Variants in RC3H1 observed in about 807,000 individuals in gnomAD.
RC3H1 encodes ring finger and CCCH-type domains 1.
In RC3H1, 50 loss-of-function variants were observed where a neutral mutation model predicts 138.2. That is an observed-to-expected ratio of 0.36 (90% confidence interval 0.29 to 0.46). The LOEUF is 0.46. Among genes scored for constraint, RC3H1 ranks in the 20% least tolerant of loss-of-function variants. The probability of loss-of-function intolerance (pLI) is 1.00; values close to 1 mark genes in which losing one functional copy is unlikely to be tolerated. For synonymous variants in RC3H1, 462 were observed against 489.1 expected, an observed-to-expected ratio of 0.94 and a Z score of 0.73; for missense variants, 1,031 against 1,388.1, an observed-to-expected ratio of 0.74 and a Z score of 4.09.
intron 13 of RC3H1, among the ~76,000 whole-genome samples, 198 bp downstream of exon 13, chr1:173,960,879 A>T (rs1222820089): frequency 6.6e-6 from 1 of 152,186 alleles, no homozygotes; most frequent in East Asian, 1.9e-4. Context: ...AACAAAAAAA[A>T]AGATCTTGAC....
rs760720641 is a variant in RC3H1 at position 173,943,454 on chromosome 1, C to T, written c.3123G>A (p.Arg1041=). 6 of 1,613,410 alleles carry T rather than the reference C, an allele frequency of 3.7e-6. No individual in the cohort carries two copies. The highest frequency in any genetic ancestry group is 2.2e-5 in the South Asian group (2 of 90,962). The change falls in exon 18 of 20, where the codon CGG becomes CGA. Residue 1041 remains arginine, a synonymous_variant. Coordinates refer to ENST00000367696, the MANE Select transcript of RC3H1 (RefSeq NM_172071.4). Reference sequence around the variant, plus strand: ...CCATAACACTCACCATACTCAGTTCCCGTGTTCTCTTCCCGATTTCCCTTT... The same window carrying T: ...CCATAACACTCACCATACTCAGTTCTCGTGTTCTCTTCCCGATTTCCCTTT... ...QVEREIGKRT[R]ELSMENQCSL...
intron 1 of RC3H1, among the ~76,000 whole-genome samples, chr1:174,007,095 A>G (rs754404429): frequency 6.6e-6 from 1 of 152,124 alleles, no homozygotes; most frequent in Non-Finnish European, 1.5e-5. Context: ...CCGGTTTAAA[A>G]TTCTATATAA....
intron 1 of RC3H1, among the ~76,000 whole-genome samples, chr1:173,997,661 C>T (rs1442082517): frequency 6.6e-6 from 1 of 151,970 alleles, no homozygotes; most frequent in Admixed American, 6.6e-5. Context: ...AATAAAAATA[C>T]AAAAATCAGC....
intron 17 of RC3H1, among the ~76,000 whole-genome samples, chr1:173,945,596 C>T (rs1659099033): frequency 6.6e-6 from 1 of 152,128 alleles, no homozygotes; most frequent in African/African-American, 2.4e-5. Context: ...CAGGGATATT[C>T]TAAGGGTCAA....
intron 19 of RC3H1, among the ~76,000 whole-genome samples, chr1:173,940,176 AAAAGACTGG>A (rs1160512212): frequency 6.6e-6 from 1 of 152,088 alleles, no homozygotes; most frequent in Non-Finnish European, 1.5e-5. Context: ...ACACACTTTA[AAAAGACTGG>A]AAAGAGCCGG....
intron 15 of RC3H1, 64 bp from the exon 16 acceptor site, chr1:173,946,900 A>T: frequency 8.9e-7 from 1 of 1,119,568 alleles, no homozygotes. Flanking sequence ...AGGTATTCAT[A>T]ATCTGAAAGA....
intron 1 of RC3H1, among the ~76,000 whole-genome samples, chr1:174,019,784 T>C (rs1661924761): frequency 6.6e-6 from 1 of 152,164 alleles, no homozygotes; most frequent in Admixed American, 6.5e-5. Flanking sequence ...AACTTAAAAC[T>C]GTTTTGACAC....
At chr1:173,939,523 T>TCC (rs1658743659) in intron 19 of RC3H1, among the ~76,000 whole-genome samples, 3 of 121,400 alleles carry the variant, frequency 2.5e-5, no homozygotes, top group Admixed American at 1.7e-4. Context: ...AGAATGAGAT[T>TCC]TTATCAAAAA....
Position 173,993,050 on chromosome 1 carries a change from GAATCAA to G in RC3H1, c.-71_-66del. ...CAAATCTAAAGCAAAGATTCCACTGGAATCAAAATCTTTGAAAAAAAGTTTATCTTT... is the reference window on the plus strand; with the variant it reads ...CAAATCTAAAGCAAAGATTCCACTGGAATCTTTGAAAAAAAGTTTATCTTT... On this transcript the variant is annotated 5_prime_UTR_variant, in exon 2 of 20. Coordinates refer to ENST00000367696, the MANE Select transcript of RC3H1 (RefSeq NM_172071.4). The G allele has an allele frequency of 8.3e-7, 1 of 1,198,282 alleles. No individual in the cohort carries two copies. Among genetic ancestry groups the G allele is most frequent in the Non-Finnish European group, 1.2e-6 (1 of 824,760 alleles). The allele number at this position is 1,198,282 out of a possible 1,614,324, so 74.2% of individuals were successfully genotyped here.
At chr1:173,992,343 C>T (rs1458041405) in intron 2 of RC3H1, among the ~76,000 whole-genome samples, 2 of 152,058 alleles carry the variant, frequency 1.3e-5, no homozygotes, top group Admixed American at 6.6e-5. Flanking sequence ...GACAGGATTT[C>T]ACCATGTTGG....
chr1:173,975,759 G>A (rs1397970952), intron 7 of RC3H1, among the ~76,000 whole-genome samples: 2 of 96,200 alleles, frequency 2.1e-5, no homozygotes, highest in Non-Finnish European at 3.5e-5. Flanking sequence ...TTAGCCGGGC[G>A]TAGTGGCGGG....
In RC3H1 at chr1:173,961,782, G is replaced by T. The variant is rs370201691; in HGVS notation, c.2145C>A (p.Ile715=). 3.7e-6 allele frequency: 6 copies of T among 1,613,102 alleles called. No individual in the cohort carries two copies. Among genetic ancestry groups the T allele is most frequent in the Non-Finnish European group, 5.1e-6 (6 of 1,179,944 alleles). ...VPESRERYQQ[I]ESYYPVAPHP... is the part of the protein sequence containing the mutation. ...GAGGAGCCACTGGATAGTAACTCTCGATCTGTTGGTATCTTTCTCTGGATT... is the reference window on the plus strand; with the variant it reads ...GAGGAGCCACTGGATAGTAACTCTCTATCTGTTGGTATCTTTCTCTGGATT... Residue 715 remains isoleucine (I), a synonymous_variant, in exon 12 of 20, where the codon ATC becomes ATA. Coordinates refer to ENST00000367696, the MANE Select transcript of RC3H1 (RefSeq NM_172071.4).
At chr1:174,019,936 G>T (rs1441404345) in intron 1 of RC3H1, among the ~76,000 whole-genome samples, 3 of 152,072 alleles carry the variant, frequency 2.0e-5, no homozygotes, top group Non-Finnish European at 4.4e-5. Context: ...TCAGGAAAAT[G>T]ATATTAAATA....
Position 173,932,206 on chromosome 1 carries a change from T to C in RC3H1, c.*6515A>G, listed in dbSNP as rs1658408792. 1 of 151,258 alleles carries C rather than the reference T, an allele frequency of 6.6e-6. No homozygotes were observed. The allele number at this position is 151,258 out of a possible 1,614,324, so 9.4% of individuals were successfully genotyped here. Reference sequence around the variant, plus strand: ...TTACACAAGCTCTATCCCAAGCAAATATGCACCAATGTTAAAAAGTTATTT... The same window carrying C: ...TTACACAAGCTCTATCCCAAGCAAACATGCACCAATGTTAAAAAGTTATTT... On this transcript the variant is annotated 3_prime_UTR_variant, in exon 20 of 20. Coordinates refer to ENST00000367696, the MANE Select transcript of RC3H1 (RefSeq NM_172071.4).
At chr1:174,021,195 T>C (rs1056301681) in intron 1 of RC3H1, among the ~76,000 whole-genome samples, 2 of 152,232 alleles carry the variant, frequency 1.3e-5, no homozygotes, top group Admixed American at 6.5e-5. Context: ...CTTCTTATAC[T>C]GCATGTTAGT....
chr1:174,013,279 A>G (rs1661801226), intron 1 of RC3H1, among the ~76,000 whole-genome samples: 1 of 152,080 alleles, frequency 6.6e-6, no homozygotes, highest in Non-Finnish European at 1.5e-5. Flanking sequence ...AGTGAATGGA[A>G]GTGGAGAATT....
chr1:174,020,877 C>T (rs1312207448), intron 1 of RC3H1, among the ~76,000 whole-genome samples: 5 of 152,080 alleles, frequency 3.3e-5, no homozygotes, highest in Non-Finnish European at 4.4e-5. Flanking sequence ...GGCATGGTGG[C>T]GGGCGCCTGT....
chr1:173,985,540 A>G (rs1053308409), intron 2 of RC3H1, among the ~76,000 whole-genome samples: 4 of 139,564 alleles, frequency 2.9e-5, no homozygotes, highest in Non-Finnish European at 6.3e-5. Context: ...TTTTAAATTA[A>G]TAATAATTGC....
At chr1:173,999,029 G>A (rs1557950871) in intron 1 of RC3H1, among the ~76,000 whole-genome samples, 1 of 151,994 alleles carries the variant, frequency 6.6e-6, no homozygotes, top group Non-Finnish European at 1.5e-5. Context: ...AGGAGTTCAA[G>A]GTTTCAGTGA....
Sources: allele counts gnomAD v4.1 joint callset (sites outside exome capture counted in the v4.1 genomes callset), GRCh38; gene constraint gnomAD v4.1.1; transcripts MANE v1.5; gene names NCBI Gene and HGNC (gene_info 2026-07-23, HGNC 2026-07-21).